SHPRH: variants seen among roughly 807,000 people sequenced by gnomAD.
SHPRH encodes SNF2 histone linker PHD RING helicase, also known as E3 ubiquitin-protein ligase SHPRH.
SHPRH carries 106 observed loss-of-function variants against 202.5 expected under a neutral mutation model. That is an observed-to-expected ratio of 0.52 (90% CI 0.45 to 0.62). The LOEUF (loss-of-function observed/expected upper bound fraction) is 0.62, where lower values mean the gene tolerates loss of function less well. SHPRH is among the 20% of genes least tolerant of loss of function. The probability of loss-of-function intolerance (pLI) is 0.00; values close to 1 mark genes in which losing one functional copy is unlikely to be tolerated. For missense variants in SHPRH, 1,710 were observed against 2,020.0 expected (o/e 0.85, Z 2.94); for synonymous variants, 729 against 686.0 (o/e 1.06, Z -0.98).
At chr6:145,874,049 T>C (rs1780185128) in intron 2 of SHPRH, among the ~76,000 whole-genome samples, 1 of 151,646 alleles carries the variant, frequency 6.6e-6, no homozygotes, top group African/African-American at 2.4e-5. Context: ...AAATACAAAA[T>C]TAGCGGCGCA....
chr6:145,935,325 T>C lies in SHPRH; in HGVS notation c.2686A>G (p.Ile896Val). Residue 896 changes from isoleucine to valine, a missense_variant, in exon 12 of 30, where the codon ATT becomes GTT. This residue lies in a region of SHPRH where 277 missense variants were observed against 363.0 expected (regional missense o/e 0.76). Coordinates refer to ENST00000275233, the MANE Select transcript of SHPRH (RefSeq NM_001042683.3). ...KKNPQHLYSF[I>V]AKILWRSAKK... The stretch of plus-strand genomic sequence containing the variant: ...GCAGACCTCCACAGTATCTTGGCAA[T>C]AAAGCTGTAGAGATGCTGAGGATTC... The C allele has an allele frequency of 1.2e-6, 2 of 1,614,086 alleles. No individual in the cohort carries two copies. The highest frequency in any genetic ancestry group is 3.3e-5 in the Admixed American group (2 of 60,014).
At chr6:145,858,341 T>A in the SHPRH span, among the ~76,000 whole-genome samples, 1 of 152,080 alleles carries the variant, frequency 6.6e-6, no homozygotes, top group African/African-American at 2.4e-5. Context: ...AATAAATATA[T>A]TGTGGTGTGG....
At chr6:145,948,412 T>TA (rs1787622084) in intron 4 of SHPRH, 62 bp from the exon 5 acceptor site, 8 of 1,299,378 alleles carry the variant, frequency 6.2e-6, no homozygotes, top group African/African-American at 4.5e-5. Context: ...ATAATCACAT[T>TA]AAAAAAAGAA....
Position 145,943,401 on chromosome 6 carries a change from C to A in SHPRH, c.1980G>T (p.Glu660Asp), listed in dbSNP as rs746982082. ...SPFNTSDYRF[E>D]CICGELDQID... The stretch of plus-strand genomic sequence containing the variant: ...TCTGATCAAGTTCACCACATATACA[C>A]TCAAAGCGGTAATCAGAGGTGTTAA... Residue 660 changes from glutamate (E) to aspartate (D), a missense_variant, in exon 9 of 30, where the codon GAG becomes GAT. Around this residue, in one of 8 missense-constraint regions of SHPRH, gnomAD observed 348 missense variants for 356.9 expected, o/e 0.97. Coordinates refer to ENST00000275233, the MANE Select transcript of SHPRH (RefSeq NM_001042683.3). 1 of 1,614,054 alleles carries A rather than the reference C, an allele frequency of 6.2e-7. No homozygotes were observed. The highest frequency in any genetic ancestry group is 1.7e-5 in the Admixed American group (1 of 59,990).
intron 25 of SHPRH, chr6:145,904,713 G>C (rs964158714): frequency 6.6e-6 from 1 of 152,046 alleles, no homozygotes; most frequent in African/African-American, 2.4e-5. Flanking sequence ...GATAAAATTT[G>C]CCCGCACAAT....
chr6:145,931,725 ATTCTTTGCCTTGT>A (rs1206980643), intron 14 of SHPRH, among the ~76,000 whole-genome samples: 1 of 152,056 alleles, frequency 6.6e-6, no homozygotes, highest in African/African-American at 2.4e-5. Flanking sequence ...TAGGGTGCAC[ATTCTTTGCCTTGT>A]CACACACAGT....
At position 145,893,179 on chromosome 6, in the gene SHPRH, G is replaced by A. The variant is rs1287933942; in HGVS notation, c.4874+36C>T. 2.7e-6 allele frequency: 4 copies of A among 1,469,132 alleles called. 1 individual carries two copies. The South Asian group carries it at 6.2e-5, about 23-fold the overall frequency. 91.0% of individuals were successfully genotyped at this position (1,469,132 alleles called of 1,614,324 possible). On this transcript the variant is annotated intron_variant, in intron 28 of 29. Transcript: ENST00000275233. The stretch of plus-strand genomic sequence containing the variant: ...TACTGATTTGGTTTCTCAGAAAACT[G>A]AAGCAAATGTGACTGATTCTAATTT...
Position 145,887,878 on chromosome 6 carries a change from GA to G in SHPRH, c.4955+141del, listed in dbSNP as rs1781218229. The G allele has an allele frequency of 4.7e-6, 3 of 632,170 alleles. No homozygotes were observed. The East Asian group carries it at 8.2e-5, about 17-fold the overall frequency. 39.2% of individuals were successfully genotyped at this position (632,170 alleles called of 1,614,324 possible). ...TCTGGAGCACTGACTGGGAAACAGT[GA>G]AAAGGCAAAACGTCAGACTTTGCTT... On this transcript the variant is annotated intron_variant, in intron 29 of 29. Transcript: ENST00000275233.
Position 145,950,399 on chromosome 6 carries a change from T to C in SHPRH, c.847A>G (p.Thr283Ala). 6.2e-7 allele frequency: 1 copy of C among 1,613,346 alleles called. No individual in the cohort carries two copies. The highest frequency in any genetic ancestry group is 8.5e-7 in the Non-Finnish European group (1 of 1,179,480). The part of the protein sequence containing the change: ...IDELYHFVKQ[T>A]HQQETQSIQV... ...ATGGACTGCGTTTCTTGCTGATGTG[T>C]TTGTTTCACAAAGTGATACAGCTCG... The change falls in exon 4 of 30, where the codon ACA becomes GCA. Residue 283 changes from threonine to alanine, a missense_variant. This residue lies in a region of SHPRH where 459 missense variants were observed against 426.5 expected (regional missense o/e 1.08). Coordinates refer to ENST00000275233, the MANE Select transcript of SHPRH (RefSeq NM_001042683.3).
chr6:145,899,691 A>C (rs539083378), intron 25 of SHPRH, among the ~76,000 whole-genome samples: 1 of 152,328 alleles, frequency 6.6e-6, no homozygotes, highest in East Asian at 1.9e-4. Flanking sequence ...AAGCTTCTGC[A>C]CAGCAAAGGA....
Position 145,955,205 on chromosome 6 carries a change from C to T in SHPRH, c.118G>A (p.Asp40Asn). ...RNEPIIISDD[D>N]EQPCPGSDTS... ...TCTGAACCTGGGCAGGGCTGCTCGT[C>T]ATCATCACTTATGATGATAGGTTCA... Residue 40 changes from aspartate to asparagine, a missense_variant, in exon 2 of 30, where the codon GAC becomes AAC. Physicochemically the swap from Asp to Asn is conservative, Grantham distance 23. Transcript: ENST00000275233. The T allele has an allele frequency of 6.2e-7, 1 of 1,613,778 alleles. No individual in the cohort carries two copies. The highest frequency in any genetic ancestry group is 1.1e-5 in the South Asian group (1 of 91,088).
chr6:145,886,304 C>G lies in SHPRH; in HGVS notation c.*387G>C. 1 of 549,086 alleles carries G rather than the reference C, an allele frequency of 1.8e-6. No individual in the cohort carries two copies. Among genetic ancestry groups the G allele is most frequent in the East Asian group, 2.9e-5 (1 of 34,008 alleles). 34.0% of individuals were successfully genotyped at this position (549,086 alleles called of 1,614,324 possible). On this transcript the variant is annotated 3_prime_UTR_variant, in exon 30 of 30. Transcript: ENST00000275233. ...CTGAAGGCCCTTCCAAAACTGAGAT[C>G]TATGTTTGTTCAATATACCAGGTCA... is the stretch of plus-strand genomic sequence containing the variant.
chr6:145,901,024 A>T (rs1042623037), intron 25 of SHPRH, among the ~76,000 whole-genome samples: 1 of 152,138 alleles, frequency 6.6e-6, no homozygotes, highest in Non-Finnish European at 1.5e-5. Flanking sequence ...GGGTATGTTA[A>T]TTAGCTTGAT....
intron 23 of SHPRH, among the ~76,000 whole-genome samples, chr6:145,914,248 A>C (rs1179537424): frequency 1.3e-5 from 2 of 152,098 alleles, no homozygotes; most frequent in Non-Finnish European, 1.5e-5. Context: ...GGCTGGGCTG[A>C]GCTGAGGGCT....
chr6:145,874,209 AAATAATAAT>A lies in SHPRH; in HGVS notation c.222-9727_222-9719del, dbSNP rs58669613. 1.3e-3 allele frequency among the ~76,000 whole-genome samples: 196 copies of A among 147,904 alleles called. 1 individual carries two copies. The highest frequency in any genetic ancestry group is 3.6e-3 in the Middle Eastern group (1 of 278). On this transcript the variant is annotated intron_variant, in intron 2 of 2. Transcript: ENST00000417762. ...GTGAAACTCCATCTCAAAAATAATA[AAATAATAAT>A]AATAATAATAATAATAATAATGTGT...
downstream of SHPRH, chr6:145,884,254 A>C (rs1050611171): frequency 6.6e-6 from 1 of 152,216 alleles, no homozygotes; most frequent in Non-Finnish European, 1.5e-5. Flanking sequence ...AACTGAATGC[A>C]TGCATGGCTT....
rs758539304 is a variant in SHPRH at position 145,940,783 on chromosome 6, G to A, written c.2509C>T (p.Arg837Cys). Residue 837 changes from arginine to cysteine, a missense_variant, in exon 11 of 30, where the codon CGT becomes TGT. Physicochemically the swap from Arg to Cys is radical, Grantham distance 180. Coordinates refer to ENST00000275233, the MANE Select transcript of SHPRH (RefSeq NM_001042683.3). ...CACCATCGATTAATCCCACTCAAAC[G>A]CTGGGCCATTTCTGCAGCCTGATGA... is the stretch of plus-strand genomic sequence containing the variant. ...PTVKAAEMAQ[R>C]LSGINRWCIS... 1.9e-6 allele frequency: 3 copies of A among 1,613,466 alleles called. No homozygotes were observed. The highest frequency in any genetic ancestry group is 1.3e-5 in the African/African-American group (1 of 74,830).
intron 25 of SHPRH, chr6:145,907,106 C>G (rs1783031564): frequency 2.0e-5 from 3 of 152,090 alleles, no homozygotes; most frequent in Admixed American, 2.0e-4. Flanking sequence ...CTGGATAGTT[C>G]TACTTGGATG....
In SHPRH at chr6:145,940,730, T is replaced by C. The variant is rs750158485; in HGVS notation, c.2562A>G (p.Gly854=). 6.2e-7 allele frequency: 1 copy of C among 1,613,570 alleles called. No homozygotes were observed. Among genetic ancestry groups the C allele is most frequent in the Non-Finnish European group, 8.5e-7 (1 of 1,179,726 alleles). Residue 854 remains glycine, a synonymous_variant, in exon 11 of 30, where the codon GGA becomes GGG. Transcript: ENST00000275233. ...GAGGAAACCATACATTACCCTCTAA[T>C]CCTCTCTGTACTGGAGTGCCACTGA... ...WCISGTPVQR[G]LEDLFGLVVF...
Sources: allele counts gnomAD v4.1 joint callset (sites outside exome capture counted in the v4.1 genomes callset), GRCh38; gene constraint gnomAD v4.1.1; regional missense constraint gnomAD v4.1.1; transcripts MANE v1.5; gene names NCBI Gene and HGNC (gene_info 2026-07-23, HGNC 2026-07-21).